Variants in PPP3CA observed in about 807,000 individuals in gnomAD.
The protein encoded by PPP3CA is protein phosphatase 3 catalytic subunit alpha, also known as CAM-PRP catalytic subunit.
PPP3CA carries 14 observed loss-of-function variants against 66.5 expected under a neutral mutation model. That is an observed-to-expected ratio of 0.21 (90% CI 0.14 to 0.33). The LOEUF (loss-of-function observed/expected upper bound fraction) is 0.33, where lower values mean the gene tolerates loss of function less well. PPP3CA is among the 10% of genes least tolerant of loss of function. The pLI is 1.00. For synonymous variants in PPP3CA, 232 were observed against 226.2 expected (o/e 1.03, Z -0.23); for missense variants, 317 against 639.5 (o/e 0.50, Z 5.44).
In PPP3CA at chr4:101,086,543, G is replaced by GT. The variant is rs77091790; in HGVS notation, c.783-3281dup. Among the ~76,000 whole-genome samples the GT allele has an allele frequency of 8.9e-4, 131 of 148,002 alleles. 1 individual carries two copies. Among genetic ancestry groups the GT allele is most frequent in the East Asian group, 7.5e-3 (38 of 5,048 alleles). ...CATAGCTAGTGGGCATTATTAAAATGTTTTTTTTTTAAATGTTTTTATGCC... is the reference window on the plus strand; with the variant it reads ...CATAGCTAGTGGGCATTATTAAAATGTTTTTTTTTTTAAATGTTTTTATGCC... On this transcript the variant is annotated intron_variant, in intron 6 of 13. Transcript: ENST00000394854.
At chr4:101,049,463 CAG>C (rs898782599) in intron 10 of PPP3CA, among the ~76,000 whole-genome samples, 1 of 151,778 alleles carries the variant, frequency 6.6e-6, no homozygotes, top group Non-Finnish European at 1.5e-5. Flanking sequence ...AAAGTAATAA[CAG>C]AAAATAAAAA....
intron 10 of PPP3CA, among the ~76,000 whole-genome samples, chr4:101,049,614 T>C (rs1282936401): frequency 1.3e-5 from 2 of 152,016 alleles, no homozygotes; most frequent in African/African-American, 4.8e-5. Context: ...ACTGAGGACA[T>C]AATTGTGCAT....
At chr4:101,168,232 A>G (rs539885223) in intron 2 of PPP3CA, among the ~76,000 whole-genome samples, 1 of 152,328 alleles carries the variant, frequency 6.6e-6, no homozygotes, top group Non-Finnish European at 1.5e-5. Context: ...TGGAGAAAAA[A>G]TAGAAAGGAG....
intron 8 of PPP3CA, among the ~76,000 whole-genome samples, chr4:101,074,566 C>T (rs1246470818): frequency 6.6e-6 from 1 of 152,186 alleles, no homozygotes; most frequent in Non-Finnish European, 1.5e-5. Flanking sequence ...CACATCATGA[C>T]TGCCAACAAA....
At chr4:101,298,635 C>A (rs2850364) in intron 1 of PPP3CA, among the ~76,000 whole-genome samples, 1 of 152,002 alleles carries the variant, frequency 6.6e-6, no homozygotes, top group Non-Finnish European at 1.5e-5. Context: ...ATTTTCTTTT[C>A]TATGGCTTAC....
At chr4:101,226,385 T>A (rs1012447097) in intron 1 of PPP3CA, among the ~76,000 whole-genome samples, 2 of 151,726 alleles carry the variant, frequency 1.3e-5, no homozygotes, top group Non-Finnish European at 2.9e-5. Context: ...TGGTTACATG[T>A]TTCAATAACC....
chr4:101,106,439 A>AAGAG lies in PPP3CA; in HGVS notation c.384+2514_384+2515insCTCT, dbSNP rs1553925295. On this transcript the variant is annotated intron_variant, in intron 3 of 13. Transcript: ENST00000394854. ...AAAGAAAGAAAGAAAGAAAGAAAGA[A>AAGAG]AGAAAGAAAGAAAGAGAAAAGAAAA... Among the ~76,000 whole-genome samples the AAGAG allele has an allele frequency of 5.4e-4, 7 of 12,974 alleles. 2 individuals carry two copies. The highest frequency in any genetic ancestry group is 1.1e-3 in the Non-Finnish European group (7 of 6,516). 8.5% of individuals were successfully genotyped at this position (12,974 alleles called of 152,430 possible). A position where few individuals can be genotyped will look rare whatever the true frequency, so the allele number is the denominator to read the frequency against.
At chr4:101,263,964 A>G (rs1287698770) in intron 1 of PPP3CA, among the ~76,000 whole-genome samples, 1 of 152,174 alleles carries the variant, frequency 6.6e-6, no homozygotes, top group Non-Finnish European at 1.5e-5. Context: ...AAGATGGTAA[A>G]AAGGGTGCCT....
intron 1 of PPP3CA, among the ~76,000 whole-genome samples, chr4:101,258,052 A>T (rs1399930274): frequency 6.6e-6 from 1 of 152,124 alleles, no homozygotes; most frequent in Non-Finnish European, 1.5e-5. Flanking sequence ...TACATAAATG[A>T]TTCTCAAAAT....
intron 1 of PPP3CA, among the ~76,000 whole-genome samples, chr4:101,295,472 G>A (rs1470984693): frequency 4.6e-5 from 7 of 152,050 alleles, no homozygotes; most frequent in Admixed American, 6.6e-5. Context: ...ATTAGTACAC[G>A]CATGTTCTAA....
intron 2 of PPP3CA, among the ~76,000 whole-genome samples, chr4:101,121,797 A>T (rs1392250574): frequency 6.6e-6 from 1 of 152,174 alleles, no homozygotes; most frequent in Non-Finnish European, 1.5e-5. Flanking sequence ...CTCAAGGAAC[A>T]TAGAGTATGC....
At chr4:101,181,249 C>T (rs964651473) in intron 2 of PPP3CA, among the ~76,000 whole-genome samples, 5 of 151,952 alleles carry the variant, frequency 3.3e-5, no homozygotes, top group African/African-American at 7.2e-5. Flanking sequence ...CTAAGTATCT[C>T]GACTTTCACA....
intron 10 of PPP3CA, among the ~76,000 whole-genome samples, chr4:101,060,147 G>A (rs749053748): frequency 6.6e-6 from 1 of 152,002 alleles, no homozygotes; most frequent in Non-Finnish European, 1.5e-5. Context: ...GAGTACTGTG[G>A]TATGACCATG....
In PPP3CA at chr4:101,116,109, T is replaced by C. The variant is rs1287475755; in HGVS notation, c.260-7031A>G. On this transcript the variant is annotated intron_variant, in intron 2 of 13. Transcript: ENST00000394854. Reference sequence around the variant, plus strand: ...AGACCTTTTAGTTTCTCCAAAATACTGGCTTTTATCATCTTGGAAGACTTG... The same window carrying C: ...AGACCTTTTAGTTTCTCCAAAATACCGGCTTTTATCATCTTGGAAGACTTG... Among the ~76,000 whole-genome samples, 4 of 152,002 alleles carry C rather than the reference T, an allele frequency of 2.6e-5. No individual in the cohort carries two copies. The East Asian group carries it at 7.7e-4, about 29-fold the overall frequency.
chr4:101,167,522 C>T (rs1287606739), intron 2 of PPP3CA, among the ~76,000 whole-genome samples: 1 of 152,048 alleles, frequency 6.6e-6, no homozygotes, highest in Non-Finnish European at 1.5e-5. Context: ...AACATCTCTC[C>T]CCTCCTTCAG....
chr4:101,135,377 G>C (rs1047692360), intron 2 of PPP3CA, among the ~76,000 whole-genome samples: 1 of 152,012 alleles, frequency 6.6e-6, no homozygotes. Flanking sequence ...AACCCTTAGT[G>C]CAACAGTTTA....
chr4:101,323,618 TAA>T (rs1357792150), intron 1 of PPP3CA, among the ~76,000 whole-genome samples: 1 of 152,218 alleles, frequency 6.6e-6, no homozygotes, highest in African/African-American at 2.4e-5. Context: ...ACCATTAGGT[TAA>T]GAGTCTATGC....
chr4:101,069,688 G>A (rs1370757279), intron 8 of PPP3CA, among the ~76,000 whole-genome samples: 1 of 152,130 alleles, frequency 6.6e-6, no homozygotes, highest in Non-Finnish European at 1.5e-5. Context: ...CCTTGAGACA[G>A]CAAGACCAAC....
intron 1 of PPP3CA, among the ~76,000 whole-genome samples, chr4:101,222,218 T>A (rs1725647740): frequency 6.6e-6 from 1 of 151,642 alleles, no homozygotes; most frequent in South Asian, 2.1e-4. Flanking sequence ...AGTTTTGCCC[T>A]TATGACAAAC....
Sources: allele counts gnomAD v4.1 joint callset (sites outside exome capture counted in the v4.1 genomes callset), GRCh38; gene constraint gnomAD v4.1.1; transcripts MANE v1.5; gene names NCBI Gene and HGNC (gene_info 2026-07-23, HGNC 2026-07-21).